PDGFD: variants seen among roughly 807,000 people sequenced by gnomAD.
The protein encoded by PDGFD is platelet-derived growth factor D.
In PDGFD, 30 loss-of-function variants were observed where a neutral mutation model predicts 44.7. The ratio of observed to expected loss-of-function variants is 0.67; its 90% confidence interval spans 0.50 to 0.91. The LOEUF (loss-of-function observed/expected upper bound fraction) is 0.91. Among genes scored for constraint, PDGFD ranks in the 40% least tolerant of loss-of-function variants. The pLI, the probability that PDGFD is intolerant of heterozygous loss-of-function variation, is 0.00. For missense variants in PDGFD, 445 were observed against 457.8 expected (o/e 0.97, Z 0.25); for synonymous variants, 173 against 168.4 (o/e 1.03, Z -0.21).
intron 3 of PDGFD, among the ~76,000 whole-genome samples, chr11:103,949,762 C>G (rs1858721142): frequency 6.6e-6 from 1 of 152,182 alleles, no homozygotes; most frequent in Non-Finnish European, 1.5e-5. Context: ...TGATACCAGT[C>G]TACTCAGCAT....
intron 3 of PDGFD, among the ~76,000 whole-genome samples, chr11:103,971,914 A>G (rs114725211): frequency 2.0e-5 from 3 of 152,184 alleles, no homozygotes; most frequent in Admixed American, 6.5e-5. Flanking sequence ...GCATCCTTAC[A>G]GTGAATCCTG....
chr11:103,929,221 C>G (rs548749707), intron 5 of PDGFD, among the ~76,000 whole-genome samples: 1 of 152,118 alleles, frequency 6.6e-6, no homozygotes. Context: ...GGAATTGAAG[C>G]CTTTCCCCCT....
At chr11:103,952,832 G>A (rs1190281702) in intron 3 of PDGFD, among the ~76,000 whole-genome samples, 1 of 151,958 alleles carries the variant, frequency 6.6e-6, no homozygotes, top group Non-Finnish European at 1.5e-5. Context: ...ATTATATTTT[G>A]GCAGTGAAAC....
intron 1 of PDGFD, among the ~76,000 whole-genome samples, chr11:104,026,641 T>C (rs116123402): frequency 3.0e-3 from 460 of 152,338 alleles, no homozygotes; most frequent in African/African-American, 0.01. Context: ...ATGCCTGCTA[T>C]CATTTGTCTA....
intron 1 of PDGFD, among the ~76,000 whole-genome samples, chr11:104,132,874 T>C (rs1021143677): frequency 3.9e-5 from 6 of 152,270 alleles, no homozygotes; most frequent in African/African-American, 1.2e-4. Flanking sequence ...CTGCAAAATA[T>C]ATTGTGCAGT....
At chr11:104,125,094 C>T (rs938006744) in intron 1 of PDGFD, among the ~76,000 whole-genome samples, 11 of 152,078 alleles carry the variant, frequency 7.2e-5, no homozygotes, top group South Asian at 4.1e-4. Context: ...ATAGCCGACA[C>T]TTAGTAGCTT....
At position 103,996,178 on chromosome 11, in the gene PDGFD, G is replaced by T; in HGVS notation, c.397C>A (p.His133Asn). 1 of 1,613,348 alleles carries T rather than the reference G, an allele frequency of 6.2e-7. No individual in the cohort carries two copies. Among genetic ancestry groups the T allele is most frequent in the Non-Finnish European group, 8.5e-7 (1 of 1,179,470 alleles). Residue 133 changes from histidine to asparagine, a missense_variant, in exon 3 of 7, where the codon CAC (histidine) becomes AAC (asparagine). Coordinates refer to ENST00000393158, the MANE Select transcript of PDGFD (RefSeq NM_025208.5). ...STIIRGRWCG[H>N]KEVPPRIKSR... ...TTTATCCTTGGAGGAACTTCCTTGTGTCCACACCATCGTCCTCTAATAATG... is the reference window on the plus strand; with the variant it reads ...TTTATCCTTGGAGGAACTTCCTTGTTTCCACACCATCGTCCTCTAATAATG...
At chr11:104,126,947 G>C (rs932927015) in intron 1 of PDGFD, among the ~76,000 whole-genome samples, 2 of 152,080 alleles carry the variant, frequency 1.3e-5, no homozygotes, top group Non-Finnish European at 1.5e-5. Flanking sequence ...TACAGCAGCA[G>C]AGTTTTAACC....
chr11:104,062,032 A>C (rs554777437), intron 1 of PDGFD, among the ~76,000 whole-genome samples: 1 of 152,172 alleles, frequency 6.6e-6, no homozygotes, highest in South Asian at 2.1e-4. Context: ...CGTTTTTCTC[A>C]CGTTTCGTGG....
At chr11:104,027,907 T>C (rs576864120) in intron 1 of PDGFD, among the ~76,000 whole-genome samples, 16 of 152,210 alleles carry the variant, frequency 1.1e-4, no homozygotes, top group African/African-American at 1.7e-4. Flanking sequence ...TTAAAAAGCA[T>C]AGGCCGGGCG....
At chr11:104,090,611 A>G (rs1211713547) in intron 1 of PDGFD, among the ~76,000 whole-genome samples, 5 of 122,530 alleles carry the variant, frequency 4.1e-5, no homozygotes, top group Non-Finnish European at 3.4e-5. Flanking sequence ...CCTGAGTGAC[A>G]GAGTGAGACC....
At chr11:104,112,238 G>C (rs375121798) in intron 1 of PDGFD, among the ~76,000 whole-genome samples, 95 of 149,202 alleles carry the variant, frequency 6.4e-4, no homozygotes, top group African/African-American at 2.2e-3. Context: ...ATTGGTGTGG[G>C]ATGGTATTTC....
At chr11:104,075,491 A>G (rs907855167) in intron 1 of PDGFD, among the ~76,000 whole-genome samples, 8 of 151,470 alleles carry the variant, frequency 5.3e-5, no homozygotes, top group African/African-American at 1.9e-4. Flanking sequence ...GCTAGTTTTT[A>G]AATTTTTTAA....
intron 1 of PDGFD, among the ~76,000 whole-genome samples, chr11:104,000,753 A>G (rs552876875): frequency 6.6e-6 from 1 of 152,350 alleles, no homozygotes; most frequent in South Asian, 2.1e-4. Flanking sequence ...ATGGATTAGA[A>G]TCAGCAAATA....
Position 104,159,803 on chromosome 11 carries a change from T to C in PDGFD, c.124+4001A>G, listed in dbSNP as rs867766809. ...TCACTGTCATTTAATAAACTCATTA[T>C]GGTCATTAATGTCACTCACAACCTA... On this transcript the variant is annotated intron_variant, in intron 1 of 6. Coordinates refer to ENST00000393158, the MANE Select transcript of PDGFD (RefSeq NM_025208.5). Among the ~76,000 whole-genome samples the C allele has an allele frequency of 2.0e-5, 3 of 152,230 alleles. No individual in the cohort carries two copies. In the South Asian group the frequency reaches 6.2e-4, roughly 32 times the overall value.
chr11:104,148,499 A>G (rs796810576), intron 1 of PDGFD, among the ~76,000 whole-genome samples: 36 of 152,168 alleles, frequency 2.4e-4, no homozygotes, highest in African/African-American at 8.7e-4. Flanking sequence ...AAGATTTAGT[A>G]TTATAAAAAT....
intron 6 of PDGFD, among the ~76,000 whole-genome samples, chr11:103,918,959 A>T (rs937731751): frequency 6.6e-6 from 1 of 152,212 alleles, no homozygotes; most frequent in Non-Finnish European, 1.5e-5. Context: ...GCTGAAGGGC[A>T]CTTGTTAATA....
intron 1 of PDGFD, among the ~76,000 whole-genome samples, chr11:104,080,187 G>T (rs1471832002): frequency 6.6e-6 from 1 of 152,136 alleles, no homozygotes; most frequent in Non-Finnish European, 1.5e-5. Flanking sequence ...GCACTGCCCT[G>T]ATCTAAAGGC....
At chr11:104,084,922 T>C (rs1477243815) in intron 1 of PDGFD, among the ~76,000 whole-genome samples, 2 of 134,078 alleles carry the variant, frequency 1.5e-5, no homozygotes, top group African/African-American at 6.4e-5. Context: ...TTATCATATA[T>C]ATGAATTACA....
Sources: allele counts gnomAD v4.1 joint callset (sites outside exome capture counted in the v4.1 genomes callset), GRCh38; gene constraint gnomAD v4.1.1; transcripts MANE v1.5; gene names NCBI Gene and HGNC (gene_info 2026-07-23, HGNC 2026-07-21).